SEMA3E: variants seen among roughly 807,000 people sequenced by gnomAD.
SEMA3E encodes semaphorin 3E.
A neutral mutation model predicts 93.6 loss-of-function variants in SEMA3E; 49 were observed. The observed-to-expected ratio is 0.52, with a 90% CI of 0.42 to 0.66. The LOEUF (loss-of-function observed/expected upper bound fraction) is 0.66, where lower values mean the gene tolerates loss of function less well. Ranked by LOEUF, SEMA3E falls within the 30% of genes least tolerant of loss-of-function variation. The pLI is 0.00. For synonymous variants in SEMA3E, 363 were observed against 330.7 expected (o/e 1.10, Z -1.06); for missense variants, 906 against 964.8 (o/e 0.94, Z 0.81).
At chr7:83,503,318 T>C (rs1234369441) in intron 1 of SEMA3E, among the ~76,000 whole-genome samples, 2 of 152,180 alleles carry the variant, frequency 1.3e-5, no homozygotes, top group Non-Finnish European at 1.5e-5. Context: ...TTTGTCTTTA[T>C]TTCCTAGGAA....
intron 11 of SEMA3E, among the ~76,000 whole-genome samples, chr7:83,399,382 T>G (rs1438237061): frequency 6.6e-6 from 1 of 152,208 alleles, no homozygotes; most frequent in Non-Finnish European, 1.5e-5. Context: ...TTATCATACT[T>G]TGTTTTATTA....
intron 1 of SEMA3E, among the ~76,000 whole-genome samples, chr7:83,563,997 T>C (rs1434461149): frequency 6.6e-6 from 1 of 152,162 alleles, no homozygotes; most frequent in Non-Finnish European, 1.5e-5. Flanking sequence ...GTTCAACTGA[T>C]TGTGCATGCA....
At chr7:83,459,768 A>C (rs530175432) in intron 4 of SEMA3E, among the ~76,000 whole-genome samples, 2 of 152,184 alleles carry the variant, frequency 1.3e-5, no homozygotes, top group Non-Finnish European at 2.9e-5. Flanking sequence ...AAAGAAGTGA[A>C]TATGCCCTGC....
Position 83,434,709 on chromosome 7 carries a change from C to CTTT in SEMA3E, c.457-16229_457-16227dup, listed in dbSNP as rs76539180. Among the ~76,000 whole-genome samples the CTTT allele has an allele frequency of 2.6e-3, 316 of 120,180 alleles. 4 individuals are homozygous for CTTT. Among genetic ancestry groups the CTTT allele is most frequent in the African/African-American group, 4.1e-3 (136 of 33,538 alleles). The allele number at this position is 120,180 out of a possible 152,430, so 78.8% of individuals were successfully genotyped here. A position where few individuals can be genotyped will look rare whatever the true frequency, so the allele number is the denominator to read the frequency against. ...GATTTATTTATCCTCAACTGTATTT[C>CTTT]TTTTTTTTTTTTTTTTTTTTTTGAG... On this transcript the variant is annotated intron_variant, in intron 4 of 16. Transcript: ENST00000643230.
intron 1 of SEMA3E, among the ~76,000 whole-genome samples, chr7:83,627,551 T>C (rs1693368): frequency 0.021 from 3,242 of 152,104 alleles, 109 homozygotes; most frequent in African/African-American, 0.074. Context: ...TTTACCATTA[T>C]GTAATGCCCT....
intron 1 of SEMA3E, among the ~76,000 whole-genome samples, chr7:83,577,451 C>T (rs576968559): frequency 1.3e-5 from 2 of 152,226 alleles, no homozygotes; most frequent in East Asian, 3.9e-4. Context: ...ATCTCCAAGG[C>T]AAGTTCTAGT....
intron 1 of SEMA3E, among the ~76,000 whole-genome samples, chr7:83,545,246 G>A (rs559798123): frequency 1.3e-5 from 2 of 152,070 alleles, no homozygotes; most frequent in East Asian, 3.9e-4. Flanking sequence ...CTAGAACTAT[G>A]TTCATTTGCT....
chr7:83,637,889 G>A (rs1304816362), intron 1 of SEMA3E, among the ~76,000 whole-genome samples: 2 of 150,762 alleles, frequency 1.3e-5, no homozygotes, highest in East Asian at 3.9e-4. Flanking sequence ...TTTCTGGGCT[G>A]GTGTCCAAGA....
chr7:83,557,757 T>C (rs1184128057), intron 1 of SEMA3E, among the ~76,000 whole-genome samples: 1 of 152,160 alleles, frequency 6.6e-6, no homozygotes, highest in Non-Finnish European at 1.5e-5. Context: ...AGCTTATGTC[T>C]CGACTTCAGC....
chr7:83,417,014 CAGGG>C (rs138751686), intron 5 of SEMA3E, among the ~76,000 whole-genome samples: 1,544 of 44,660 alleles, frequency 0.035, 22 homozygotes, highest in East Asian at 0.13. Flanking sequence ...CACACACACA[CAGGG>C]AGAGAGAGAG....
chr7:83,647,720 C>T (rs1332655582), intron 1 of SEMA3E, among the ~76,000 whole-genome samples: 2 of 152,116 alleles, frequency 1.3e-5, no homozygotes, highest in African/African-American at 4.8e-5. Context: ...GTTAGATCTT[C>T]ATTAAGGCAA....
At chr7:83,437,687 A>T (rs1034803649) in intron 4 of SEMA3E, among the ~76,000 whole-genome samples, 2 of 152,238 alleles carry the variant, frequency 1.3e-5, no homozygotes, top group Non-Finnish European at 2.9e-5. Context: ...AGAAGCAGTT[A>T]TATTCTTAGT....
intron 1 of SEMA3E, among the ~76,000 whole-genome samples, chr7:83,538,397 T>A (rs1052767394): frequency 2.6e-5 from 4 of 152,140 alleles, no homozygotes; most frequent in African/African-American, 9.7e-5. Flanking sequence ...ATGAGGTGTA[T>A]CTTATTATAG....
At chr7:83,580,095 A>G (rs550953918) in intron 1 of SEMA3E, among the ~76,000 whole-genome samples, 2 of 152,210 alleles carry the variant, frequency 1.3e-5, no homozygotes, top group East Asian at 3.9e-4. Flanking sequence ...AAACATGTAC[A>G]CCGACAACTA....
At chr7:83,529,345 G>A (rs1375446189) in intron 1 of SEMA3E, among the ~76,000 whole-genome samples, 1 of 152,082 alleles carries the variant, frequency 6.6e-6, no homozygotes, top group African/African-American at 2.4e-5. Flanking sequence ...ACTGATTCAT[G>A]AAGACATTAA....
intron 1 of SEMA3E, among the ~76,000 whole-genome samples, chr7:83,547,498 A>G (rs1436267526): frequency 1.3e-5 from 2 of 152,108 alleles, no homozygotes; most frequent in East Asian, 3.8e-4. Context: ...TAACAATGGA[A>G]TCACTTATTC....
At chr7:83,556,598 A>G (rs376604871) in intron 1 of SEMA3E, among the ~76,000 whole-genome samples, 1 of 152,196 alleles carries the variant, frequency 6.6e-6, no homozygotes, top group East Asian at 1.9e-4. Flanking sequence ...ATTTGTAGGT[A>G]CAAGTAGCAG....
At chr7:83,443,165 GAGAC>G (rs1300524329) in intron 4 of SEMA3E, among the ~76,000 whole-genome samples, 1 of 152,184 alleles carries the variant, frequency 6.6e-6, no homozygotes, top group Non-Finnish European at 1.5e-5. Flanking sequence ...AAATCAGAAA[GAGAC>G]AGGGTAGTGG....
At chr7:83,424,627 A>T (rs1412972511) in intron 4 of SEMA3E, among the ~76,000 whole-genome samples, 1 of 152,190 alleles carries the variant, frequency 6.6e-6, no homozygotes, top group African/African-American at 2.4e-5. Flanking sequence ...AGCCTCAAAG[A>T]TGTCATTGTC....
Sources: allele counts gnomAD v4.1 joint callset (sites outside exome capture counted in the v4.1 genomes callset), GRCh38; gene constraint gnomAD v4.1.1; transcripts MANE v1.5; gene names NCBI Gene and HGNC (gene_info 2026-07-23, HGNC 2026-07-21).